The following BMP7 variants were observed in gnomAD, a reference collection of about 807,000 sequenced individuals.
The protein encoded by BMP7 is osteogenic protein 1.
In BMP7, 12 loss-of-function variants were observed where a neutral mutation model predicts 41.2. The ratio of observed to expected loss-of-function variants is 0.29; its 90% CI spans 0.19 to 0.47. The LOEUF (loss-of-function observed/expected upper bound fraction) is 0.47, where lower values mean the gene tolerates loss of function less well. BMP7 is among the 20% of genes least tolerant of loss of function. BMP7 has a pLI of 0.99. For missense variants in BMP7, 467 were observed against 606.0 expected (o/e 0.77, Z 2.41); for synonymous variants, 248 against 250.0 (o/e 0.99, Z 0.07).
chr20:57,237,731 A>G (rs754904141), intron 1 of BMP7, among the ~76,000 whole-genome samples: 2 of 152,228 alleles, frequency 1.3e-5, no homozygotes, highest in African/African-American at 2.4e-5. Flanking sequence ...GAAACAGAAC[A>G]TCGCCTAGAA....
intron 4 of BMP7, among the ~76,000 whole-genome samples, chr20:57,181,166 G>A (rs1044830369): frequency 3.9e-5 from 6 of 152,140 alleles, no homozygotes; most frequent in Non-Finnish European, 8.8e-5. Context: ...CTCCTGAGCC[G>A]GCCCCCAGAT....
At chr20:57,239,628 G>A (rs2066061599) in intron 1 of BMP7, among the ~76,000 whole-genome samples, 1 of 152,206 alleles carries the variant, frequency 6.6e-6, no homozygotes, top group Non-Finnish European at 1.5e-5. Flanking sequence ...TGCCCTAGCG[G>A]AGGTTCTCCA....
intron 4 of BMP7, among the ~76,000 whole-genome samples, 179 bp from the exon 5 acceptor site, chr20:57,175,186 A>G (rs565001021): frequency 7.9e-5 from 12 of 151,902 alleles, no homozygotes; most frequent in Admixed American, 7.9e-4. Context: ...ACTCATTTCT[A>G]CCCCCAGCAA....
Position 57,209,940 on chromosome 20 carries a change from G to C in BMP7, c.612-7317C>G, listed in dbSNP as rs1316458988. Among the ~76,000 whole-genome samples, 3 of 152,160 alleles carry C rather than the reference G, an allele frequency of 2.0e-5. No individual in the cohort carries two copies. In the East Asian group the frequency reaches 5.8e-4, roughly 29 times the overall value. ...CAGCAGAACAAACCTAGGTGAGGGG[G>C]CAAGCCTGGCTCTCATCTTCTTTCC... On this transcript the variant is annotated intron_variant, in intron 2 of 6. Transcript: ENST00000395863.
Position 57,214,148 on chromosome 20 carries a change from G to C in BMP7, c.612-11525C>G, listed in dbSNP as rs1361783390. On this transcript the variant is annotated intron_variant, in intron 2 of 6. Coordinates refer to ENST00000395863, the MANE Select transcript of BMP7 (RefSeq NM_001719.3). This position sits in a 1 kb window ranked among gnomAD's most constrained non-coding sequence, Gnocchi z 4.0. ...CTGTTGTCCCCTCTCACAGGTGGGA[G>C]ACTGAGGCTCAGAGATATGCAGGTA... is the stretch of plus-strand genomic sequence containing the variant. 6.6e-6 allele frequency among the ~76,000 whole-genome samples: 1 copy of C among 152,168 alleles called. No individual in the cohort carries two copies. Among genetic ancestry groups the C allele is most frequent in the African/African-American group, 2.4e-5 (1 of 41,452 alleles).
chr20:57,192,613 T>C (rs1054605891), intron 3 of BMP7, among the ~76,000 whole-genome samples: 46 of 152,048 alleles, frequency 3.0e-4, no homozygotes, highest in Admixed American at 5.2e-4. Flanking sequence ...AGTGAACAAA[T>C]TGATGTAGGC....
chr20:57,225,782 A>G (rs2066003521), intron 2 of BMP7: 2 of 415,316 alleles, frequency 4.8e-6, no homozygotes, highest in Non-Finnish European at 1.0e-5. Flanking sequence ...ACATGTAGAA[A>G]CCTAAAGAAA....
At chr20:57,200,258 G>A (rs1485939224) in intron 3 of BMP7, among the ~76,000 whole-genome samples, 1 of 152,226 alleles carries the variant, frequency 6.6e-6, no homozygotes, top group Non-Finnish European at 1.5e-5. Flanking sequence ...TTTTCCAGAT[G>A]AGACACATTA....
At chr20:57,254,746 T>A (rs1282627521) in intron 1 of BMP7, among the ~76,000 whole-genome samples, 1 of 152,086 alleles carries the variant, frequency 6.6e-6, no homozygotes, top group Non-Finnish European at 1.5e-5. Flanking sequence ...CTCTCTCGAA[T>A]CCCCTGTTCA....
rs964684587 is a variant in BMP7 at position 57,212,123 on chromosome 20, G to A, written c.612-9500C>T. Among the ~76,000 whole-genome samples the A allele has an allele frequency of 9.2e-5, 14 of 152,330 alleles. No homozygotes were observed. In the South Asian group the frequency reaches 1.2e-3, roughly 14 times the overall value. Reference sequence around the variant, plus strand: ...GTCATTCAAACCCTAATTAAGTGGCGTGAAGGAGGGAAGAGGCCTCTGGGT... The same window carrying A: ...GTCATTCAAACCCTAATTAAGTGGCATGAAGGAGGGAAGAGGCCTCTGGGT... On this transcript the variant is annotated intron_variant, in intron 2 of 6. Coordinates refer to ENST00000395863, the MANE Select transcript of BMP7 (RefSeq NM_001719.3).
chr20:57,249,633 A>C (rs1314417396), intron 1 of BMP7, among the ~76,000 whole-genome samples: 1 of 152,192 alleles, frequency 6.6e-6, no homozygotes, highest in Non-Finnish European at 1.5e-5. Context: ...GTACTCAGGG[A>C]AGTGTATAGT....
Position 57,261,359 on chromosome 20 carries a change from G to A in BMP7, c.418+4346C>T, listed in dbSNP as rs150725380. 2.6e-5 allele frequency among the ~76,000 whole-genome samples: 4 copies of A among 152,186 alleles called. No individual in the cohort carries two copies. Among genetic ancestry groups the A allele is most frequent in the Non-Finnish European group, 5.9e-5 (4 of 68,022 alleles). ...CTCTGTTACCCCTTCCATGGGGACC[G>A]CTCCACAACCGAATGACAACCCTGG... On this transcript the variant is annotated intron_variant, in intron 1 of 6. Transcript: ENST00000395863. The surrounding 1 kb of genome is among the most constrained non-coding windows in gnomAD (Gnocchi z 4.1).
At chr20:57,226,456 C>T (rs537135119) in intron 2 of BMP7, among the ~76,000 whole-genome samples, 8 of 152,354 alleles carry the variant, frequency 5.3e-5, no homozygotes, top group Non-Finnish European at 1.2e-4. Context: ...ACACGTATGT[C>T]AGCGAGGGTA....
intron 1 of BMP7, among the ~76,000 whole-genome samples, chr20:57,237,664 G>A (rs576409138): frequency 6.6e-6 from 1 of 152,328 alleles, no homozygotes; most frequent in Middle Eastern, 3.4e-3. Context: ...AGCCTGGAGA[G>A]GCCACACTGA....
chr20:57,254,826 A>G (rs1386803697), intron 1 of BMP7, among the ~76,000 whole-genome samples: 1 of 152,186 alleles, frequency 6.6e-6, no homozygotes, highest in Non-Finnish European at 1.5e-5. Context: ...GACATACGGA[A>G]AAAAACTGTT....
intron 3 of BMP7, among the ~76,000 whole-genome samples, chr20:57,190,942 C>G (rs1026412520): frequency 2.0e-5 from 3 of 152,146 alleles, no homozygotes; most frequent in African/African-American, 7.2e-5. Flanking sequence ...TTAGCAGTAC[C>G]CTTGGCCTCT....
At chr20:57,217,546 G>A (rs879607197) in intron 2 of BMP7, among the ~76,000 whole-genome samples, 3 of 152,302 alleles carry the variant, frequency 2.0e-5, no homozygotes, top group Non-Finnish European at 2.9e-5. Context: ...CAGCCAGAGT[G>A]TAGGGATTCA....
At chr20:57,233,842 C>A (rs919149863) in intron 1 of BMP7, among the ~76,000 whole-genome samples, 1 of 152,116 alleles carries the variant, frequency 6.6e-6, no homozygotes, top group African/African-American at 2.4e-5. Flanking sequence ...GTATTTAACA[C>A]CCTAAAAATT....
In BMP7 at chr20:57,174,858, G is replaced by A; in HGVS notation, c.1035+73C>T. The A allele has an allele frequency of 6.8e-7, 1 of 1,480,936 alleles. No homozygotes were observed. The highest frequency in any genetic ancestry group is 9.2e-7 in the Non-Finnish European group (1 of 1,085,928). The allele number at this position is 1,480,936 out of a possible 1,614,324, so 91.7% of individuals were successfully genotyped here. On this transcript the variant is annotated intron_variant, in intron 5 of 6. Coordinates refer to ENST00000395863, the MANE Select transcript of BMP7 (RefSeq NM_001719.3). This position sits in a 1 kb window ranked among gnomAD's most constrained non-coding sequence, Gnocchi z 4.3. ...TGGCAGAGATGAGAAACAAGACTGAGCACAGACCCGCTGCCTCGTGGGAGC... is the reference window on the plus strand; with the variant it reads ...TGGCAGAGATGAGAAACAAGACTGAACACAGACCCGCTGCCTCGTGGGAGC...
Sources: allele counts gnomAD v4.1 joint callset (sites outside exome capture counted in the v4.1 genomes callset), GRCh38; gene constraint gnomAD v4.1.1; non-coding constraint Gnocchi (gnomAD v3.1); transcripts MANE v1.5; gene names NCBI Gene and HGNC (gene_info 2026-07-23, HGNC 2026-07-21).